Variants in ATE1 observed in about 807,000 individuals in gnomAD.
ATE1 encodes the protein arginyltransferase 1, also known as arginyl-tRNA--protein transferase 1.
Under a neutral mutation model 70.5 loss-of-function variants are expected in ATE1, and 36 were observed. The observed-to-expected ratio is 0.51, with a 90% confidence interval of 0.39 to 0.67. The LOEUF is 0.67. ATE1 is among the 30% of genes least tolerant of loss of function. The pLI, the probability that ATE1 is intolerant of heterozygous loss-of-function variation, is 0.00. For missense variants in ATE1, 593 were observed against 629.5 expected (o/e 0.94, Z 0.62); for synonymous variants, 232 against 219.3 (o/e 1.06, Z -0.51).
intron 1 of ATE1, 88 bp from the exon 2 acceptor site, chr10:121,924,417 G>C: frequency 7.7e-7 from 1 of 1,305,558 alleles, no homozygotes; most frequent in Non-Finnish European, 1.1e-6. Flanking sequence ...ATAGGAGTGT[G>C]TGTCCGGGCA....
At chr10:121,823,204 G>A (rs967251577) in intron 10 of ATE1, among the ~76,000 whole-genome samples, 1 of 152,032 alleles carries the variant, frequency 6.6e-6, no homozygotes. Flanking sequence ...GCAGGAGAAT[G>A]ACATGAACCC....
intron 11 of ATE1, among the ~76,000 whole-genome samples, chr10:121,747,043 C>A (rs1944400357): frequency 6.6e-6 from 1 of 151,972 alleles, no homozygotes. Flanking sequence ...TGCTGTTAGC[C>A]AAAAAGAAGT....
intron 11 of ATE1, among the ~76,000 whole-genome samples, chr10:121,783,257 T>G (rs1590285139): frequency 6.6e-6 from 1 of 152,208 alleles, no homozygotes; most frequent in East Asian, 1.9e-4. Flanking sequence ...TAATCTTATT[T>G]TTTAGATAAA....
intron 11 of ATE1, 136 bp from the exon 12 acceptor site, chr10:121,743,994 C>T (rs1454373776): frequency 1.1e-6 from 1 of 918,420 alleles, no homozygotes; most frequent in African/African-American, 1.7e-5. Flanking sequence ...GCTGTCTCAC[C>T]TCACTGCAAC....
intron 8 of ATE1, among the ~76,000 whole-genome samples, chr10:121,856,709 C>T (rs975326617): frequency 1.3e-5 from 2 of 152,170 alleles, no homozygotes; most frequent in African/African-American, 4.8e-5. Flanking sequence ...AATATATATA[C>T]GTTGATTTAA....
At chr10:121,764,797 T>C (rs1372563739) in intron 11 of ATE1, among the ~76,000 whole-genome samples, 1 of 152,214 alleles carries the variant, frequency 6.6e-6, no homozygotes, top group Non-Finnish European at 1.5e-5. Flanking sequence ...TTTACTGGAA[T>C]GTGCTGTAGA....
At chr10:121,874,413 T>C (rs2134053973) in intron 7 of ATE1, among the ~76,000 whole-genome samples, 1 of 152,334 alleles carries the variant, frequency 6.6e-6, no homozygotes, top group Non-Finnish European at 1.5e-5. Flanking sequence ...TCATATTTCA[T>C]TGCAGACAAA....
chr10:121,804,094 A>T (rs1947000104), intron 10 of ATE1, among the ~76,000 whole-genome samples: 1 of 152,212 alleles, frequency 6.6e-6, no homozygotes, highest in African/African-American at 2.4e-5. Context: ...CAAGTTCAAG[A>T]TTATTTCCTC....
chr10:121,885,363 A>C, intron 7 of ATE1, among the ~76,000 whole-genome samples: 2 of 145,820 alleles, frequency 1.4e-5, no homozygotes, highest in Admixed American at 6.9e-5. Flanking sequence ...AGGTCAGGAG[A>C]TCGAGACCAT....
intron 7 of ATE1, among the ~76,000 whole-genome samples, chr10:121,884,540 T>C (rs1039243167): frequency 1.3e-5 from 2 of 151,666 alleles, no homozygotes; most frequent in Non-Finnish European, 2.9e-5. Context: ...CCGTGAGCTA[T>C]GATGACGACA....
At chr10:121,818,829 C>G (rs1480104039) in intron 10 of ATE1, among the ~76,000 whole-genome samples, 1 of 152,192 alleles carries the variant, frequency 6.6e-6, no homozygotes, top group African/African-American at 2.4e-5. Context: ...ACACGACAGA[C>G]ACAACCACAA....
At chr10:121,849,806 C>T (rs1948984979) in intron 8 of ATE1, among the ~76,000 whole-genome samples, 1 of 151,874 alleles carries the variant, frequency 6.6e-6, no homozygotes, top group Admixed American at 6.6e-5. Context: ...TCTTTGTGTT[C>T]CTTGCAGCTG....
rs540818542 is a variant in ATE1, at chr10:121,916,654, T to C, written c.234-2761A>G. Reference sequence around the variant, plus strand: ...ATCAACACCATCCTGGCTAACACGGTGAAACCCCGTCTCTACTGAAAATAC... The same window carrying C: ...ATCAACACCATCCTGGCTAACACGGCGAAACCCCGTCTCTACTGAAAATAC... On this transcript the variant is annotated intron_variant, in intron 3 of 11. Coordinates refer to ENST00000224652, the MANE Select transcript of ATE1 (RefSeq NM_001001976.3). Among the ~76,000 whole-genome samples the C allele has an allele frequency of 6.3e-4, 96 of 151,860 alleles. 2 individuals are homozygous for C. The highest frequency in any genetic ancestry group is 5.3e-3 in the Admixed American group (81 of 15,264).
rs570746831 is a variant in ATE1, at chr10:121,817,566, CCT to C, written c.1257+19150_1257+19151del. On this transcript the variant is annotated intron_variant, in intron 10 of 11. Coordinates refer to ENST00000224652, the MANE Select transcript of ATE1 (RefSeq NM_001001976.3). ...AAAAAAAAAAGAAGAGCTCAAATCC[CCT>C]CTCTACAAAAGCTTACAATCTAATG... Among the ~76,000 whole-genome samples, 19 of 152,008 alleles carry C rather than the reference CCT, an allele frequency of 1.2e-4. No individual in the cohort carries two copies. The South Asian group carries it at 4.0e-3, about 32-fold the overall frequency.
rs79856613 is a variant in ATE1 at position 121,850,411 on chromosome 10, G to C, written c.976-9148C>G. On this transcript the variant is annotated intron_variant, in intron 8 of 11. Coordinates refer to ENST00000224652, the MANE Select transcript of ATE1 (RefSeq NM_001001976.3). Reference sequence around the variant, plus strand: ...TTAACTTAGCTTTCCAGGAGGCTCAGTCATCCATTCCTAGAGAAGCCTCCT... The same window carrying C: ...TTAACTTAGCTTTCCAGGAGGCTCACTCATCCATTCCTAGAGAAGCCTCCT... Among the ~76,000 whole-genome samples, 1,158 of 152,292 alleles carry C rather than the reference G, an allele frequency of 7.6e-3. 47 individuals are homozygous for C. In the East Asian group the frequency reaches 0.13, roughly 18 times the overall value.
upstream of ATE1, chr10:121,928,395 C>G: frequency 6.5e-7 from 1 of 1,531,968 alleles, no homozygotes; most frequent in Non-Finnish European, 8.8e-7. Flanking sequence ...CAGTGGTAGC[C>G]GGCCCTGAGG....
chr10:121,883,237 T>A (rs1291630878), intron 7 of ATE1, among the ~76,000 whole-genome samples: 2 of 152,180 alleles, frequency 1.3e-5, no homozygotes, highest in Non-Finnish European at 2.9e-5. Flanking sequence ...TGCTTATTGT[T>A]TAATGACTAT....
At chr10:121,878,617 A>AG (rs1321541410) in intron 7 of ATE1, among the ~76,000 whole-genome samples, 2 of 151,992 alleles carry the variant, frequency 1.3e-5, no homozygotes, top group East Asian at 3.9e-4. Context: ...AGAAAAGAAA[A>AG]AAAAATCAAC....
chr10:121,926,155 G>A lies in ATE1; in HGVS notation c.106+1689C>T, dbSNP rs555677427. 2.0e-5 allele frequency among the ~76,000 whole-genome samples: 3 copies of A among 152,284 alleles called. No homozygotes were observed. In the East Asian group the frequency reaches 5.8e-4, roughly 29 times the overall value. On this transcript the variant is annotated intron_variant, in intron 1 of 11. Coordinates refer to ENST00000224652, the MANE Select transcript of ATE1 (RefSeq NM_001001976.3). ...ACCTGGGAGGTGGAGGTTGCAGTGA[G>A]CAAAGATTGTGCCACTGAACTCCAG...
Sources: allele counts gnomAD v4.1 joint callset (sites outside exome capture counted in the v4.1 genomes callset), GRCh38; gene constraint gnomAD v4.1.1; transcripts MANE v1.5; gene names NCBI Gene and HGNC (gene_info 2026-07-23, HGNC 2026-07-21).